GLO1: variants seen among roughly 807,000 people sequenced by gnomAD.
GLO1 encodes glyoxalase I, also known as lactoylglutathione lyase.
Under a neutral mutation model 26.0 loss-of-function variants are expected in GLO1, and 28 were observed. The observed-to-expected ratio is 1.08, with a 90% CI of 0.80 to 1.48. GLO1 has a LOEUF of 1.48. Among genes scored for constraint, GLO1 ranks in the 40% most tolerant of loss-of-function variants. GLO1 has a pLI of 0.00. For missense variants in GLO1, 225 were observed against 224.8 expected (o/e 1.00, Z -0.01); for synonymous variants, 78 against 77.6 (o/e 1.00, Z -0.03).
At chr6:38,679,433 G>A (rs1284699063) in intron 5 of GLO1, among the ~76,000 whole-genome samples, 1 of 152,116 alleles carries the variant, frequency 6.6e-6, no homozygotes, top group Non-Finnish European at 1.5e-5. Context: ...CTCTGCCTCG[G>A]CCTCCCAAAG....
At position 38,703,093 on chromosome 6, in the gene GLO1, A is replaced by T. The variant is rs558835278; in HGVS notation, c.-39T>A. On this transcript the variant is annotated 5_prime_UTR_variant, in exon 1 of 6. Coordinates refer to ENST00000373365, the MANE Select transcript of GLO1 (RefSeq NM_006708.3). ...TATCACAGACGACGGGACCCAAGGA[A>T]CGGAGGAGTCACCCACACTACGCCT... 2.5e-6 allele frequency: 3 copies of T among 1,187,954 alleles called. No individual in the cohort carries two copies. Among genetic ancestry groups the T allele is most frequent in the Non-Finnish European group, 3.7e-6 (3 of 808,748 alleles). The allele number at this position is 1,187,954 out of a possible 1,614,324, so 73.6% of individuals were successfully genotyped here.
Position 38,684,494 on chromosome 6 carries a change from A to G in GLO1, c.188T>C (p.Phe63Ser). ...LGMTLIQKCD[F>S]PIMKFSLYFL... ...GTAGAGTGAAAACTTCATAATGGGAAAATCACATTTTTGGATTAGCCTGCA... is the reference window on the plus strand; with the variant it reads ...GTAGAGTGAAAACTTCATAATGGGAGAATCACATTTTTGGATTAGCCTGCA... Residue 63 changes from phenylalanine to serine, a missense_variant, in exon 3 of 6, where the codon TTT becomes TCT. By Grantham distance (155) the Phe-to-Ser change is radical. Coordinates refer to ENST00000373365, the MANE Select transcript of GLO1 (RefSeq NM_006708.3). The G allele has an allele frequency of 6.4e-7, 1 of 1,551,954 alleles. No homozygotes were observed. The highest frequency in any genetic ancestry group is 8.7e-7 in the Non-Finnish European group (1 of 1,151,010).
chr6:38,703,090 G>A lies in GLO1; in HGVS notation c.-36C>T. ...CAGTATCACAGACGACGGGACCCAA[G>A]GAACGGAGGAGTCACCCACACTACG... On this transcript the variant is annotated 5_prime_UTR_variant, in exon 1 of 6. Coordinates refer to ENST00000373365, the MANE Select transcript of GLO1 (RefSeq NM_006708.3). 3 of 1,223,430 alleles carry A rather than the reference G, an allele frequency of 2.5e-6. No individual in the cohort carries two copies. Among genetic ancestry groups the A allele is most frequent in the Middle Eastern group, 1.9e-4 (1 of 5,308 alleles). 75.8% of individuals were successfully genotyped at this position (1,223,430 alleles called of 1,614,324 possible). A position where few individuals can be genotyped will look rare whatever the true frequency, so the allele number is the denominator to read the frequency against.
In GLO1 at chr6:38,692,275, T is replaced by C. The variant is rs190929135; in HGVS notation, c.85-5301A>G. ...TGTAAATGTTTATTAGATTTATATC[T>C]AAGTATTTCATTTTATTGGGCAATT... On this transcript the variant is annotated intron_variant, in intron 1 of 5. Coordinates refer to ENST00000373365, the MANE Select transcript of GLO1 (RefSeq NM_006708.3). Among the ~76,000 whole-genome samples the C allele has an allele frequency of 1.3e-4, 20 of 152,306 alleles. No homozygotes were observed. In the East Asian group the frequency reaches 3.7e-3, roughly 28 times the overall value.
Position 38,677,305 on chromosome 6 carries a change from G to T in GLO1, c.545C>A (p.Thr182Asn). ...IEILNPNKMA[T>N]LM ...AGAATTCTCACAGCACTACATTAAG[G>T]TTGCCATTTTGTTAGGATTCAAAAT... The change falls in exon 6 of 6, where the codon ACC becomes AAC. Residue 182 changes from threonine (T) to asparagine (N), a missense_variant. By Grantham distance (65) the Thr-to-Asn change is moderately conservative. Transcript: ENST00000373365. The T allele has an allele frequency of 6.9e-7, 1 of 1,439,938 alleles. No homozygotes were observed. The highest frequency in any genetic ancestry group is 9.8e-7 in the Non-Finnish European group (1 of 1,021,176). 89.2% of individuals were successfully genotyped at this position (1,439,938 alleles called of 1,614,324 possible). A position where few individuals can be genotyped will look rare whatever the true frequency, so the allele number is the denominator to read the frequency against.
At chr6:38,702,160 C>T (rs1397814775) in intron 1 of GLO1, among the ~76,000 whole-genome samples, 3 of 152,090 alleles carry the variant, frequency 2.0e-5, no homozygotes, top group African/African-American at 7.2e-5. Flanking sequence ...ACCTCTTGAC[C>T]TCGTGATCCG....
At chr6:38,699,698 G>A (rs926208242) in intron 1 of GLO1, among the ~76,000 whole-genome samples, 4 of 152,130 alleles carry the variant, frequency 2.6e-5, no homozygotes, top group Admixed American at 6.5e-5. Context: ...ATACGCCCTC[G>A]TCTCCTGCAG....
Position 38,684,502 on chromosome 6 carries a change from T to C in GLO1, c.180A>G (p.Lys60=). Residue 60 remains lysine, a synonymous_variant, in exon 3 of 6, where the codon AAA becomes AAG. Transcript: ENST00000373365. ...TRVLGMTLIQ[K]CDFPIMKFSL... ...AAAACTTCATAATGGGAAAATCACATTTTTGGATTAGCCTGCAATGAAAAA... is the reference window on the plus strand; with the variant it reads ...AAAACTTCATAATGGGAAAATCACACTTTTGGATTAGCCTGCAATGAAAAA... 1.3e-6 allele frequency: 2 copies of C among 1,542,686 alleles called. No individual in the cohort carries two copies. Among genetic ancestry groups the C allele is most frequent in the Non-Finnish European group, 8.7e-7 (1 of 1,145,964 alleles).
intron 1 of GLO1, among the ~76,000 whole-genome samples, chr6:38,693,658 GCTCTCTCTCTCTCT>G (rs71543936): frequency 6.3e-5 from 8 of 127,564 alleles, no homozygotes; most frequent in Non-Finnish European, 9.8e-5. Context: ...TTTTCATTCA[GCTCTCTCTCTCTCT>G]CTCTCTCTCT....
chr6:38,682,997 C>T (rs1761405047), intron 3 of GLO1, 122 bp from the exon 4 acceptor site: 2 of 622,184 alleles, frequency 3.2e-6, no homozygotes, highest in Non-Finnish European at 5.8e-6. Flanking sequence ...CTAACCCCTG[C>T]TACAAAAATA....
intron 1 of GLO1, among the ~76,000 whole-genome samples, chr6:38,690,380 A>G (rs892845218): frequency 4.6e-5 from 7 of 152,224 alleles, no homozygotes; most frequent in Non-Finnish European, 1.0e-4. Context: ...CCTCTAACAA[A>G]GGAATAGTTA....
At chr6:38,701,989 G>A (rs1219524927) in intron 1 of GLO1, among the ~76,000 whole-genome samples, 4 of 149,784 alleles carry the variant, frequency 2.7e-5, no homozygotes, top group Admixed American at 6.7e-5. Flanking sequence ...GGAGTGCAGT[G>A]GCACGATCTC....
intron 5 of GLO1, among the ~76,000 whole-genome samples, chr6:38,678,409 G>GGAAAAGAAAAGAAAAGAAAAGAAAA (rs67239641): frequency 1.3e-4 from 18 of 142,108 alleles, no homozygotes; most frequent in African/African-American, 4.9e-4. Context: ...GAAAAGAAAA[G>GGAAAAGAAAAGAAAAGAAAAGAAAA]GAAAAGAAAA....
intron 1 of GLO1, among the ~76,000 whole-genome samples, chr6:38,699,628 G>C (rs1016813057): frequency 1.3e-5 from 2 of 152,118 alleles, no homozygotes; most frequent in African/African-American, 4.8e-5. Flanking sequence ...TTCCTGGGGG[G>C]AGGTCTATAA....
At chr6:38,687,252 A>G (rs1761472320) in intron 1 of GLO1, 1 of 194,930 alleles carries the variant, frequency 5.1e-6, no homozygotes, top group African/African-American at 2.4e-5. Flanking sequence ...CAGGTACCAC[A>G]AAGTCCCTCA....
At chr6:38,691,005 C>T (rs1172089474) in intron 1 of GLO1, among the ~76,000 whole-genome samples, 1 of 152,116 alleles carries the variant, frequency 6.6e-6, no homozygotes, top group Admixed American at 6.5e-5. Context: ...TGGTATGGTT[C>T]TAAAATATCG....
intron 1 of GLO1, among the ~76,000 whole-genome samples, chr6:38,698,007 C>T (rs889669849): frequency 6.6e-6 from 1 of 152,194 alleles, no homozygotes; most frequent in East Asian, 1.9e-4. Flanking sequence ...CAAAAGCAAC[C>T]ACATATGTAG....
chr6:38,677,200 AGTGAT>A lies in GLO1; in HGVS notation c.*90_*94del, dbSNP rs1761267974. 1 of 749,732 alleles carries A rather than the reference AGTGAT, an allele frequency of 1.3e-6. No homozygotes were observed. Among genetic ancestry groups the A allele is most frequent in the Non-Finnish European group, 2.4e-6 (1 of 414,114 alleles). The allele number at this position is 749,732 out of a possible 1,614,324, so 46.4% of individuals were successfully genotyped here. A position where few individuals can be genotyped will look rare whatever the true frequency, so the allele number is the denominator to read the frequency against. Reference sequence around the variant, plus strand: ...ACTGAAGAATAATTTGAATCGGGACAGTGATCCATCAGTCCTAGATGCTTCTGGTA... The same window carrying A: ...ACTGAAGAATAATTTGAATCGGGACACCATCAGTCCTAGATGCTTCTGGTA... On this transcript the variant is annotated 3_prime_UTR_variant, in exon 6 of 6. Transcript: ENST00000373365.
intron 1 of GLO1, among the ~76,000 whole-genome samples, chr6:38,692,994 T>G (rs1345891058): frequency 6.6e-6 from 1 of 152,052 alleles, no homozygotes; most frequent in East Asian, 1.9e-4. Flanking sequence ...GTAGTTTTCT[T>G]GTACTGTCTT....
Sources: gnomAD v4.1 joint callset for allele counts (sites outside exome capture counted in the v4.1 genomes callset) on GRCh38, gnomAD v4.1.1 for gene constraint, MANE v1.5 for transcripts, NCBI Gene and HGNC (gene_info 2026-07-23, HGNC 2026-07-21) for gene names.